The following SULT6B1 variants were observed in gnomAD, a reference collection of about 807,000 sequenced individuals.
SULT6B1 encodes the protein sulfotransferase 6B1.
A neutral mutation model predicts 37.2 loss-of-function variants in SULT6B1; 44 were observed. The ratio of observed to expected loss-of-function variants is 1.18; its 90% CI spans 0.93 to 1.52. SULT6B1 has a LOEUF of 1.52. Ranked by LOEUF, SULT6B1 falls within the 40% of genes most tolerant of loss-of-function variation. SULT6B1 has a pLI of 0.00. For synonymous variants in SULT6B1, 140 were observed against 126.0 expected (o/e 1.11, Z -0.74); for missense variants, 450 against 361.0 (o/e 1.25, Z -2.00).
chr2:37,172,662 C>T (rs113510966), intron 5 of SULT6B1, among the ~76,000 whole-genome samples: 5,595 of 151,712 alleles, frequency 0.037, 283 homozygotes, highest in African/African-American at 0.11. Flanking sequence ...TGTGTGCCAC[C>T]ACGCCTGGCT....
chr2:37,180,352 AG>A (rs1338976763), intron 3 of SULT6B1, among the ~76,000 whole-genome samples: 1 of 152,240 alleles, frequency 6.6e-6, no homozygotes, highest in Admixed American at 6.5e-5. Flanking sequence ...TGCAAAGTGC[AG>A]ATTTGTGATA....
rs185235903 is a variant in SULT6B1, at chr2:37,194,498, G to A, written c.-22+2018C>T. 49 of 400,012 alleles carry A rather than the reference G, an allele frequency of 1.2e-4. 1 individual carries two copies. In the East Asian group the frequency reaches 3.4e-3, roughly 28 times the overall value. 24.8% of individuals were successfully genotyped at this position (400,012 alleles called of 1,614,324 possible). ...GGACAGCTGCACGCGGATACGGTACGGGACATTCCTTATTCCTTTGGCAAA... is the reference window on the plus strand; with the variant it reads ...GGACAGCTGCACGCGGATACGGTACAGGACATTCCTTATTCCTTTGGCAAA... On this transcript the variant is annotated intron_variant, in intron 1 of 7. Transcript: ENST00000407963.
At chr2:37,183,011 G>A (rs1284915728) in intron 3 of SULT6B1, among the ~76,000 whole-genome samples, 1 of 152,090 alleles carries the variant, frequency 6.6e-6, no homozygotes, top group Non-Finnish European at 1.5e-5. Context: ...ATAGTGAGAT[G>A]CTGTCTCTAT....
intron 4 of SULT6B1, among the ~76,000 whole-genome samples, chr2:37,176,995 G>T (rs943445413): frequency 1.5e-4 from 23 of 152,142 alleles, no homozygotes; most frequent in African/African-American, 5.3e-4. Flanking sequence ...AAGTATGAGA[G>T]AGAGGCCAAG....
At chr2:37,171,942 G>A (rs1476443576) in intron 5 of SULT6B1, among the ~76,000 whole-genome samples, 2 of 151,814 alleles carry the variant, frequency 1.3e-5, no homozygotes, top group Middle Eastern at 3.2e-3. Context: ...AGAAATTAAT[G>A]TATTCCTATG....
chr2:37,181,057 C>T (rs547767812), intron 3 of SULT6B1, among the ~76,000 whole-genome samples: 20 of 152,172 alleles, frequency 1.3e-4, no homozygotes, highest in African/African-American at 3.6e-4. Context: ...TTGTAAATAA[C>T]ATGAAAGTGG....
Position 37,194,881 on chromosome 2 carries a change from CTTCCTTCCTTCCTTCT to C in SULT6B1, c.-22+1619_-22+1634del, listed in dbSNP as rs1288725526. 8 of 55,404 alleles carry C rather than the reference CTTCCTTCCTTCCTTCT, an allele frequency of 1.4e-4. 1 individual carries two copies. Among genetic ancestry groups the C allele is most frequent in the African/African-American group, 2.3e-4 (3 of 12,932 alleles). 3.4% of individuals were successfully genotyped at this position (55,404 alleles called of 1,614,324 possible). On this transcript the variant is annotated intron_variant, in intron 1 of 7. Coordinates refer to the SULT6B1 transcript ENST00000407963. ...CCTCCCTCCCTCCCTCCCTCCCTCCCTTCCTTCCTTCCTTCTTTCCTTCCTTCCTTCCTTCCTTCCT... is the reference window on the plus strand; with the variant it reads ...CCTCCCTCCCTCCCTCCCTCCCTCCCTTCCTTCCTTCCTTCCTTCCTTCCT...
At chr2:37,195,446 T>C (rs914107692) in intron 1 of SULT6B1, among the ~76,000 whole-genome samples, 1 of 152,160 alleles carries the variant, frequency 6.6e-6, no homozygotes, top group Non-Finnish European at 1.5e-5. Context: ...GGGGCGGGTG[T>C]TAGGAAAATT....
intron 1 of SULT6B1, chr2:37,194,311 C>T (rs1676846842): frequency 4.7e-6 from 1 of 212,296 alleles, no homozygotes; most frequent in Non-Finnish European, 9.4e-6. Context: ...AACTCCTGAC[C>T]TCAAGTGATC....
upstream of SULT6B1, among the ~76,000 whole-genome samples, chr2:37,193,651 G>T (rs970220380): frequency 1.8e-5 from 2 of 113,468 alleles, no homozygotes; most frequent in Admixed American, 8.4e-5. Context: ...AGAAGAAGAA[G>T]GAGAAGAAGG....
At position 37,171,608 on chromosome 2, in the gene SULT6B1, T is replaced by G. The variant is rs375130671; in HGVS notation, c.625-18A>C. 1 of 1,608,706 alleles carries G rather than the reference T, an allele frequency of 6.2e-7. No homozygotes were observed. Among genetic ancestry groups the G allele is most frequent in the Non-Finnish European group, 8.5e-7 (1 of 1,177,656 alleles). On this transcript the variant is annotated intron_variant, in intron 5 of 6. Transcript: ENST00000535679. ...GCCAGATTCTGTAAAAAAATTTTCT[T>G]AAAGATAAATTTCTTCCTATGGAAA...
chr2:37,177,046 T>A (rs1489123395), intron 4 of SULT6B1, among the ~76,000 whole-genome samples: 1 of 152,076 alleles, frequency 6.6e-6, no homozygotes, highest in Non-Finnish European at 1.5e-5. Flanking sequence ...AGGAACCAGC[T>A]ACCTACCTTC....
intron 6 of SULT6B1, among the ~76,000 whole-genome samples, chr2:37,169,893 G>A (rs545642835): frequency 6.6e-6 from 1 of 152,278 alleles, no homozygotes; most frequent in African/African-American, 2.4e-5. Context: ...GCTGGTATAT[G>A]TGCTACCTCT....
intron 1 of SULT6B1, chr2:37,194,675 C>T (rs980554682): frequency 4.2e-6 from 1 of 240,940 alleles, no homozygotes; most frequent in Non-Finnish European, 8.4e-6. Context: ...ATTCTTGGGT[C>T]ATCACCTCGT....
At chr2:37,173,728 C>T (rs571960212) in intron 5 of SULT6B1, among the ~76,000 whole-genome samples, 170 of 152,274 alleles carry the variant, frequency 1.1e-3, no homozygotes, top group African/African-American at 3.7e-3. Flanking sequence ...ATCCTGTTGG[C>T]CTTCCCTTCA....
intron 1 of SULT6B1, among the ~76,000 whole-genome samples, chr2:37,188,007 C>A (rs535043609): frequency 3.9e-5 from 6 of 152,258 alleles, no homozygotes; most frequent in African/African-American, 1.4e-4. Flanking sequence ...ATTTGAGAAA[C>A]TGATGGAGCA....
chr2:37,169,692 A>T (rs1676254438), intron 6 of SULT6B1, among the ~76,000 whole-genome samples: 1 of 152,084 alleles, frequency 6.6e-6, no homozygotes, highest in South Asian at 2.1e-4. Flanking sequence ...ACAGGGTTTC[A>T]CCATCTTCGC....
At chr2:37,170,902 G>A (rs1676282316) in intron 6 of SULT6B1, among the ~76,000 whole-genome samples, 1 of 152,058 alleles carries the variant, frequency 6.6e-6, no homozygotes, top group Non-Finnish European at 1.5e-5. Flanking sequence ...TTCAGAAGGT[G>A]ATCATCAGAA....
chr2:37,181,569 A>C (rs6722383), intron 3 of SULT6B1, among the ~76,000 whole-genome samples: 1 of 151,776 alleles, frequency 6.6e-6, no homozygotes, highest in African/African-American at 2.4e-5. Context: ...TTGTAGAGAC[A>C]GGGGTCTCAC....
Sources: gnomAD v4.1 joint callset for allele counts (sites outside exome capture counted in the v4.1 genomes callset) on GRCh38, gnomAD v4.1.1 for gene constraint, MANE v1.5 for transcripts, NCBI Gene and HGNC (gene_info 2026-07-23, HGNC 2026-07-21) for gene names.